The following TBC1D21 variants were observed in gnomAD, a reference collection of about 807,000 sequenced individuals.
The protein encoded by TBC1D21 is TBC1 domain family member 21.
A neutral mutation model predicts 46.0 loss-of-function variants in TBC1D21; 38 were observed. That is an observed-to-expected ratio of 0.83 (90% CI 0.64 to 1.08). The LOEUF (loss-of-function observed/expected upper bound fraction) is 1.08. Ranked by LOEUF, TBC1D21 falls within the 50% of genes least tolerant of loss-of-function variation. TBC1D21 has a pLI of 0.00. For missense variants in TBC1D21, 415 were observed against 417.9 expected (o/e 0.99, Z 0.06); for synonymous variants, 151 against 157.2 (o/e 0.96, Z 0.29).
At chr15:73,890,003 A>G (rs1011446670), downstream of TBC1D21, among the ~76,000 whole-genome samples, 1 of 152,164 alleles carries the variant, frequency 6.6e-6, no homozygotes, top group Non-Finnish European at 1.5e-5. Context: ...AGCAACACAC[A>G]TACATACACA....
chr15:73,898,422 G>A, the TBC1D21 span, among the ~76,000 whole-genome samples: 4 of 152,118 alleles, frequency 2.6e-5, no homozygotes, highest in Non-Finnish European at 4.4e-5. Flanking sequence ...GGTTTTCTAC[G>A]CCCAAGACCA....
At chr15:73,893,245 T>C (rs2068351288), downstream of TBC1D21, among the ~76,000 whole-genome samples, 1 of 152,140 alleles carries the variant, frequency 6.6e-6, no homozygotes, top group Non-Finnish European at 1.5e-5. Context: ...AGGGCAATCA[T>C]GGTGGAGATG....
chr15:73,886,236 C>T (rs980880244), intron 7 of TBC1D21, 62 bp downstream of exon 7: 29 of 1,440,150 alleles, frequency 2.0e-5, no homozygotes, highest in Non-Finnish European at 2.6e-5. Flanking sequence ...GGGGCTGGGA[C>T]CCAACTGTCA....
At chr15:73,888,988 G>A in intron 10 of TBC1D21, 81 bp from the exon 11 acceptor site, 1 of 1,557,226 alleles carries the variant, frequency 6.4e-7, no homozygotes. Context: ...AGAGGCTCAG[G>A]AGAATGTCGC....
chr15:73,887,598 A>G (rs546484114), intron 8 of TBC1D21, 22 bp from the exon 9 acceptor site: 2 of 1,609,078 alleles, frequency 1.2e-6, no homozygotes, highest in Admixed American at 1.7e-5. Flanking sequence ...CAGGGCCCAG[A>G]CTGAGACGTC....
rs1567062323 is a variant in TBC1D21 at position 73,876,219 on chromosome 15, T to TG, written c.60+2450_60+2451insG. 7.0e-4 allele frequency among the ~76,000 whole-genome samples: 30 copies of TG among 43,088 alleles called. 2 individuals carry two copies. Among genetic ancestry groups the TG allele is most frequent in the South Asian group, 3.6e-3 (3 of 844 alleles). 28.3% of individuals were successfully genotyped at this position (43,088 alleles called of 152,430 possible). Reference sequence around the variant, plus strand: ...TGTGGGTTTTTTTTTTTTTTTTTTTTTTTTTTTTTTTTTTTTTTTTTTTTT... The same window carrying TG: ...TGTGGGTTTTTTTTTTTTTTTTTTTTGTTTTTTTTTTTTTTTTTTTTTTTTT... On this transcript the variant is annotated intron_variant, in intron 1 of 10. Transcript: ENST00000300504.
In TBC1D21 at chr15:73,886,588, C is replaced by G; in HGVS notation, c.753C>G (p.Phe251Leu). 1 of 1,613,580 alleles carries G rather than the reference C, an allele frequency of 6.2e-7. No homozygotes were observed. The highest frequency in any genetic ancestry group is 8.5e-7 in the Non-Finnish European group (1 of 1,180,030). Residue 251 changes from phenylalanine to leucine, a missense_variant, in exon 8 of 11, where the codon TTC becomes TTG. Coordinates refer to ENST00000300504, the MANE Select transcript of TBC1D21 (RefSeq NM_153356.3). ...GCTTCCAGCGTGCCTTCAAGTCCTT[C>G]GATGATGTCTGGAGGCTCTGGGAGG... is the stretch of plus-strand genomic sequence containing the variant. ...CFCFQRAFKS[F>L]DDVWRLWEVL...
downstream of TBC1D21, among the ~76,000 whole-genome samples, chr15:73,889,996 AACACACATACAT>A (rs779727951): frequency 4.6e-5 from 7 of 152,176 alleles, no homozygotes; most frequent in Non-Finnish European, 2.9e-5. Context: ...GCTGCTCAGC[AACACACATACAT>A]ACACACATAC....
intron 7 of TBC1D21, 114 bp from the exon 8 acceptor site, chr15:73,886,398 G>C (rs1389691358): frequency 6.7e-6 from 7 of 1,041,608 alleles, no homozygotes; most frequent in Middle Eastern, 2.5e-4. Flanking sequence ...GGGGCGGCAG[G>C]CTTTTTGTAT....
At chr15:73,885,423 G>A (rs12438872) in intron 6 of TBC1D21, among the ~76,000 whole-genome samples, 40,582 of 151,930 alleles carry the variant, frequency 0.27, 6,279 homozygotes, top group East Asian at 0.69. Context: ...CTCCCTCCTC[G>A]CTGCTTCTTC....
chr15:73,889,033 C>T (rs143777660), intron 10 of TBC1D21, 36 bp from the exon 11 acceptor site: 4 of 1,611,206 alleles, frequency 2.5e-6, no homozygotes, highest in Middle Eastern at 1.7e-4. Context: ...AGGGACAGAC[C>T]AATGTCTGTG....
intron 1 of TBC1D21, among the ~76,000 whole-genome samples, chr15:73,875,830 G>A (rs1475785010): frequency 3.3e-5 from 5 of 152,194 alleles, no homozygotes; most frequent in Non-Finnish European, 4.4e-5. Flanking sequence ...TATACCCAGT[G>A]TATGGAAAAG....
intron 1 of TBC1D21, among the ~76,000 whole-genome samples, chr15:73,874,866 T>A (rs2068030322): frequency 1.3e-5 from 2 of 152,206 alleles, no homozygotes; most frequent in South Asian, 4.1e-4. Context: ...TGATACACCC[T>A]CCACACCTGG....
At chr15:73,888,612 CTCCTCCTCCTCTTCT>C (rs2068300470) in intron 10 of TBC1D21, 99 bp downstream of exon 10, 9 of 789,296 alleles carry the variant, frequency 1.1e-5, no homozygotes, top group South Asian at 4.8e-5. Flanking sequence ...CCTCTTCTTC[CTCCTCCTCCTCTTCT>C]TCCTCCTCCT....
Position 73,885,458 on chromosome 15 carries a change from G to A in TBC1D21, c.579+355G>A, listed in dbSNP as rs11853914. On this transcript the variant is annotated intron_variant, in intron 6 of 10. Coordinates refer to ENST00000300504, the MANE Select transcript of TBC1D21 (RefSeq NM_153356.3). ...CCTCAATGGCTCCCTGTGGCCTCCAGAATAAAATCCAATAACCTTAGCCAG... is the reference window on the plus strand; with the variant it reads ...CCTCAATGGCTCCCTGTGGCCTCCAAAATAAAATCCAATAACCTTAGCCAG... Among the ~76,000 whole-genome samples, 6 of 152,244 alleles carry A rather than the reference G, an allele frequency of 3.9e-5. No individual in the cohort carries two copies. The East Asian group carries it at 9.7e-4, about 25-fold the overall frequency.
downstream of TBC1D21, among the ~76,000 whole-genome samples, chr15:73,893,563 T>G (rs540007608): frequency 1.3e-5 from 2 of 152,320 alleles, no homozygotes; most frequent in East Asian, 3.9e-4. Context: ...CCAAGGCCAC[T>G]TTTTGTTCCT....
At chr15:73,897,814 C>G in the TBC1D21 span, among the ~76,000 whole-genome samples, 1 of 152,240 alleles carries the variant, frequency 6.6e-6, no homozygotes, top group Non-Finnish European at 1.5e-5. Context: ...TGTACTCTAG[C>G]TGCAAATTTG....
At chr15:73,896,202 G>A in the TBC1D21 span, among the ~76,000 whole-genome samples, 1 of 121,876 alleles carries the variant, frequency 8.2e-6, no homozygotes, top group South Asian at 2.8e-4. Flanking sequence ...TGGTGACAGC[G>A]ATAGTGGAGG....
downstream of TBC1D21, among the ~76,000 whole-genome samples, chr15:73,891,333 A>G (rs1340370461): frequency 6.6e-6 from 1 of 152,202 alleles, no homozygotes; most frequent in African/African-American, 2.4e-5. Flanking sequence ...TTATTTCAGC[A>G]TGCATTTATT....
Sources: gnomAD v4.1 joint callset for allele counts (sites outside exome capture counted in the v4.1 genomes callset) on GRCh38, gnomAD v4.1.1 for gene constraint, MANE v1.5 for transcripts, NCBI Gene and HGNC (gene_info 2026-07-23, HGNC 2026-07-21) for gene names.